The following AGPAT5 variants were observed in gnomAD, a reference collection of about 807,000 sequenced individuals.
AGPAT5 encodes 1-acyl-sn-glycerol-3-phosphate acyltransferase epsilon.
In AGPAT5, 46 loss-of-function variants were observed where a neutral mutation model predicts 45.6. The observed-to-expected ratio is 1.01, with a 90% CI of 0.80 to 1.29. AGPAT5 has a LOEUF of 1.29. Ranked by LOEUF, AGPAT5 falls within the 50% of genes most tolerant of loss-of-function variation. The pLI is 0.00. For missense variants in AGPAT5, 673 were observed against 450.7 expected (o/e 1.49, Z -4.47); for synonymous variants, 272 against 167.0 (o/e 1.63, Z -4.85).
At position 6,722,248 on chromosome 8, in the gene AGPAT5, G is replaced by T. The variant is rs115107161; in HGVS notation, c.220-2622G>T. 7.0e-3 allele frequency among the ~76,000 whole-genome samples: 1,060 copies of T among 152,330 alleles called. 15 individuals are homozygous for T. Among genetic ancestry groups the T allele is most frequent in the African/African-American group, 0.024 (1,005 of 41,586 alleles). On this transcript the variant is annotated intron_variant, in intron 1 of 7. Transcript: ENST00000285518. ...GGAAATTTATGTCCTGCCTTAGGCA[G>T]TTAGGGGAAGGGCAGAGAATTCTTC...
Position 6,757,244 on chromosome 8 carries a change from T to C in AGPAT5, c.951T>C (p.Ser317=). 1 of 1,614,182 alleles carries C rather than the reference T, an allele frequency of 6.2e-7. No homozygotes were observed. Among genetic ancestry groups the C allele is most frequent in the Non-Finnish European group, 8.5e-7 (1 of 1,180,018 alleles). ...FPGKSVNSKL[S]IKKTLPSMLI... is the part of the protein sequence containing the mutation. ...GGAAAAGTGTTAATTCCAAATTAAG[T>C]ATCAAGAAGACTTTACCATCAATGT... Residue 317 remains serine, a synonymous_variant, in exon 8 of 8, where the codon AGT becomes AGC. Coordinates refer to ENST00000285518, the MANE Select transcript of AGPAT5 (RefSeq NM_018361.5).
At chr8:6,719,779 A>G (rs934927650) in intron 1 of AGPAT5, among the ~76,000 whole-genome samples, 4 of 152,202 alleles carry the variant, frequency 2.6e-5, no homozygotes, top group African/African-American at 7.2e-5. Flanking sequence ...ATCTTCTCTT[A>G]AAAAATCTGC....
chr8:6,733,791 C>A (rs1031044763), intron 4 of AGPAT5, among the ~76,000 whole-genome samples: 1 of 152,238 alleles, frequency 6.6e-6, no homozygotes, highest in African/African-American at 2.4e-5. Context: ...GTCACCCCAG[C>A]AATGGATGAC....
intron 4 of AGPAT5, among the ~76,000 whole-genome samples, chr8:6,733,593 G>A (rs796339453): frequency 5.9e-5 from 9 of 152,322 alleles, no homozygotes; most frequent in African/African-American, 2.2e-4. Context: ...ACCAAGCTTG[G>A]TGTCTTCAAA....
At chr8:6,729,696 T>C (rs1199792495) in intron 2 of AGPAT5, among the ~76,000 whole-genome samples, 2 of 152,240 alleles carry the variant, frequency 1.3e-5, no homozygotes, top group East Asian at 1.9e-4. Flanking sequence ...GTTTGTTTAA[T>C]TGGCAAGGGC....
intron 4 of AGPAT5, among the ~76,000 whole-genome samples, chr8:6,735,939 C>G (rs1024624908): frequency 7.1e-6 from 1 of 141,772 alleles, no homozygotes; most frequent in Non-Finnish European, 1.5e-5. Context: ...ACTGCAACCT[C>G]TGCCTCACGG....
chr8:6,741,167 G>T (rs986682148), intron 4 of AGPAT5, among the ~76,000 whole-genome samples: 1 of 152,096 alleles, frequency 6.6e-6, no homozygotes, highest in African/African-American at 2.4e-5. Flanking sequence ...TAGGAATTCT[G>T]TGTGAAGCTT....
chr8:6,740,022 G>T (rs1801191188), intron 4 of AGPAT5, among the ~76,000 whole-genome samples: 1 of 151,910 alleles, frequency 6.6e-6, no homozygotes, highest in Non-Finnish European at 1.5e-5. Context: ...GTCCATGAAG[G>T]GAAGGACCAT....
chr8:6,729,947 G>C (rs1190263188), intron 2 of AGPAT5, among the ~76,000 whole-genome samples: 2 of 152,132 alleles, frequency 1.3e-5, no homozygotes, highest in African/African-American at 4.8e-5. Flanking sequence ...TTTGATTGCT[G>C]TCCTAACCTA....
chr8:6,757,593 T>C lies in AGPAT5; in HGVS notation c.*205T>C. On this transcript the variant is annotated 3_prime_UTR_variant, in exon 8 of 8. Transcript: ENST00000285518. ...GGTTGTACAACTTTAGCATCGGGGCTGCTGGAAGGGTAAAAGCTAAATGGA... is the reference window on the plus strand; with the variant it reads ...GGTTGTACAACTTTAGCATCGGGGCCGCTGGAAGGGTAAAAGCTAAATGGA... 1.9e-6 allele frequency: 1 copy of C among 538,192 alleles called. No homozygotes were observed. The highest frequency in any genetic ancestry group is 3.1e-5 in the East Asian group (1 of 32,632). 33.3% of individuals were successfully genotyped at this position (538,192 alleles called of 1,614,324 possible). A position where few individuals can be genotyped will look rare whatever the true frequency, so the allele number is the denominator to read the frequency against.
chr8:6,750,651 GAAC>G (rs1284641755), intron 6 of AGPAT5, among the ~76,000 whole-genome samples: 2 of 151,482 alleles, frequency 1.3e-5, no homozygotes, highest in African/African-American at 4.9e-5. Context: ...AATGGGTAAA[GAAC>G]AACAATAGAC....
intron 4 of AGPAT5, among the ~76,000 whole-genome samples, chr8:6,736,529 T>C (rs561437696): frequency 6.6e-6 from 1 of 152,378 alleles, no homozygotes; most frequent in African/African-American, 2.4e-5. Flanking sequence ...TTTTCTGCTG[T>C]TCTTGCTTAT....
At chr8:6,713,015 C>T (rs974286837) in intron 1 of AGPAT5, among the ~76,000 whole-genome samples, 4 of 152,148 alleles carry the variant, frequency 2.6e-5, no homozygotes, top group Admixed American at 6.5e-5. Context: ...TTTTTTGAGT[C>T]AGGGTCTTCT....
rs369012299 is a variant in AGPAT5 at position 6,747,756 on chromosome 8, A to G, written c.673A>G (p.Ile225Val). ...FDCMKNYLDAIYDVTVVYEGK... is the reference protein window; with the variant it reads ...FDCMKNYLDAVYDVTVVYEGK... ...TTGCATGAAGAATTATTTAGATGCA[A>G]TTTATGATGTTACGGTGGTTTATGA... The change falls in exon 6 of 8, where the codon ATT becomes GTT. Residue 225 changes from isoleucine to valine, a missense_variant. By Grantham distance (29) the Ile-to-Val change is conservative. Coordinates refer to ENST00000285518, the MANE Select transcript of AGPAT5 (RefSeq NM_018361.5). 1.5e-5 allele frequency: 25 copies of G among 1,614,076 alleles called. No homozygotes were observed. Among genetic ancestry groups the G allele is most frequent in the Middle Eastern group, 1.6e-4 (1 of 6,084 alleles).
chr8:6,741,110 G>C (rs541568969), intron 4 of AGPAT5, among the ~76,000 whole-genome samples: 1 of 151,984 alleles, frequency 6.6e-6, no homozygotes, highest in Non-Finnish European at 1.5e-5. Context: ...AACAAATGAG[G>C]TTTCTTATAA....
intron 4 of AGPAT5, among the ~76,000 whole-genome samples, chr8:6,736,866 A>G (rs1176045565): frequency 1.3e-5 from 2 of 152,240 alleles, no homozygotes; most frequent in Non-Finnish European, 2.9e-5. Context: ...TCACAGTTCT[A>G]TTAGAAGGTC....
chr8:6,755,327 AACTTT>A (rs1300101367), intron 7 of AGPAT5, among the ~76,000 whole-genome samples, 153 bp downstream of exon 7: 1 of 152,242 alleles, frequency 6.6e-6, no homozygotes, highest in African/African-American at 2.4e-5. Context: ...TCGTGTTTTA[AACTTT>A]ACTTGTACAA....
At chr8:6,710,303 C>G (rs1380720736) in intron 1 of AGPAT5, among the ~76,000 whole-genome samples, 1 of 152,174 alleles carries the variant, frequency 6.6e-6, no homozygotes, top group South Asian at 2.1e-4. Context: ...GTTCAGAGAT[C>G]CGATTTACTT....
intron 1 of AGPAT5, among the ~76,000 whole-genome samples, chr8:6,713,988 C>G (rs1275329154): frequency 6.6e-6 from 1 of 152,206 alleles, no homozygotes; most frequent in Non-Finnish European, 1.5e-5. Flanking sequence ...TATTCTGAAT[C>G]TTGCTGTAAA....
Sources: allele counts gnomAD v4.1 joint callset (sites outside exome capture counted in the v4.1 genomes callset), GRCh38; gene constraint gnomAD v4.1.1; transcripts MANE v1.5; gene names NCBI Gene and HGNC (gene_info 2026-07-23, HGNC 2026-07-21).